The following AUTS2 variants were observed in gnomAD, a reference collection of about 807,000 sequenced individuals.
AUTS2 encodes autism susceptibility gene 2 protein.
In AUTS2, 17 loss-of-function variants were observed where a neutral mutation model predicts 112.4. The ratio of observed to expected loss-of-function variants is 0.15; its 90% CI spans 0.10 to 0.23. AUTS2 has a LOEUF of 0.23. Among genes scored for constraint, AUTS2 ranks in the 10% least tolerant of loss-of-function variants. The pLI is 1.00. For missense variants in AUTS2, 1,510 were observed against 1,701.6 expected, an observed-to-expected ratio of 0.89 and a Z score of 1.98; for synonymous variants, 751 against 702.7, an observed-to-expected ratio of 1.07 and a Z score of -1.09.
intron 1 of AUTS2, among the ~76,000 whole-genome samples, chr7:69,675,127 T>C (rs2129161054): frequency 6.6e-6 from 1 of 152,304 alleles, no homozygotes; most frequent in Admixed American, 6.5e-5. Flanking sequence ...GCTTCTCTGC[T>C]CTGGGAATCT....
chr7:70,483,219 T>A (rs552188412), intron 5 of AUTS2, among the ~76,000 whole-genome samples: 10 of 132,970 alleles, frequency 7.5e-5, no homozygotes, highest in Non-Finnish European at 1.6e-4. Context: ...CCAGTTTATC[T>A]CCAAGGGTCA....
At chr7:70,127,442 T>G (rs1003519657) in intron 3 of AUTS2, among the ~76,000 whole-genome samples, 2 of 152,216 alleles carry the variant, frequency 1.3e-5, no homozygotes, top group African/African-American at 4.8e-5. Flanking sequence ...TGGCCTATTT[T>G]ATTTCTGTTC....
At chr7:69,876,415 G>A (rs1487096308) in intron 1 of AUTS2, among the ~76,000 whole-genome samples, 15 of 80,356 alleles carry the variant, frequency 1.9e-4, no homozygotes, top group Non-Finnish European at 2.8e-4. Flanking sequence ...TATACATAAT[G>A]TATTTTATAT....
chr7:70,105,056 A>G (rs1804696566), intron 2 of AUTS2, among the ~76,000 whole-genome samples: 1 of 152,208 alleles, frequency 6.6e-6, no homozygotes, highest in South Asian at 2.1e-4. Flanking sequence ...ACTATATTCC[A>G]CTAGCTCTGC....
chr7:70,028,074 C>A (rs1800605719), intron 2 of AUTS2, among the ~76,000 whole-genome samples: 1 of 151,518 alleles, frequency 6.6e-6, no homozygotes, highest in African/African-American at 2.4e-5. Flanking sequence ...GCCCCCCCCA[C>A]CCTCATCTTG....
chr7:70,154,516 C>T (rs1263936608), intron 4 of AUTS2, among the ~76,000 whole-genome samples: 1 of 152,076 alleles, frequency 6.6e-6, no homozygotes, highest in Non-Finnish European at 1.5e-5. Flanking sequence ...TTTAAGGAGA[C>T]AGGGAAACAA....
intron 4 of AUTS2, among the ~76,000 whole-genome samples, chr7:70,386,785 T>G (rs975012502): frequency 7.9e-5 from 12 of 152,138 alleles, no homozygotes; most frequent in African/African-American, 2.7e-4. Context: ...CTTCTCTGCC[T>G]CTCTCTCATC....
At chr7:70,457,221 G>A (rs1291726157) in intron 5 of AUTS2, among the ~76,000 whole-genome samples, 1 of 152,198 alleles carries the variant, frequency 6.6e-6, no homozygotes, top group East Asian at 1.9e-4. Flanking sequence ...CCCACCAGCT[G>A]TGTGAGGGGG....
intron 4 of AUTS2, among the ~76,000 whole-genome samples, chr7:70,326,215 A>G (rs1413677163): frequency 2.6e-5 from 4 of 152,074 alleles, no homozygotes; most frequent in Non-Finnish European, 4.4e-5. Context: ...CCCAAGGGGA[A>G]CTGATGTTTC....
At chr7:69,615,351 G>A (rs997227543) in intron 1 of AUTS2, among the ~76,000 whole-genome samples, 3 of 152,088 alleles carry the variant, frequency 2.0e-5, no homozygotes, top group Admixed American at 6.5e-5. Context: ...CGCCCAGGCT[G>A]GAGTGCAGTG....
At chr7:69,837,696 C>T (rs1791787733) in intron 1 of AUTS2, among the ~76,000 whole-genome samples, 1 of 152,162 alleles carries the variant, frequency 6.6e-6, no homozygotes, top group Admixed American at 6.5e-5. Context: ...CAAGAGGCGT[C>T]ATGTTTGTTA....
At chr7:70,082,091 G>A (rs1230220408) in intron 2 of AUTS2, among the ~76,000 whole-genome samples, 1 of 151,906 alleles carries the variant, frequency 6.6e-6, no homozygotes, top group African/African-American at 2.4e-5. Context: ...TTTGAAAGGG[G>A]ACATATTATG....
At chr7:70,032,245 CT>C (rs1387023594) in intron 2 of AUTS2, among the ~76,000 whole-genome samples, 7 of 152,196 alleles carry the variant, frequency 4.6e-5, no homozygotes, top group Middle Eastern at 3.4e-3. Flanking sequence ...ATATAAAATT[CT>C]AACTCCGCTG....
intron 4 of AUTS2, among the ~76,000 whole-genome samples, chr7:70,313,986 T>C (rs1789879621): frequency 6.6e-6 from 1 of 152,196 alleles, no homozygotes; most frequent in Non-Finnish European, 1.5e-5. Flanking sequence ...GGAGCGATGG[T>C]TCAGAAAGAT....
chr7:69,934,759 C>T (rs924961125), intron 2 of AUTS2, among the ~76,000 whole-genome samples: 7 of 152,178 alleles, frequency 4.6e-5, no homozygotes, highest in African/African-American at 1.7e-4. Flanking sequence ...TTCTGAGCTC[C>T]TCTGTTCAAT....
At chr7:70,777,627 A>G (rs1253034143) in intron 14 of AUTS2, among the ~76,000 whole-genome samples, 5 of 152,210 alleles carry the variant, frequency 3.3e-5, no homozygotes, top group Non-Finnish European at 5.9e-5. Context: ...TGCAAGTCAC[A>G]GCAGCCAGCT....
intron 6 of AUTS2, among the ~76,000 whole-genome samples, chr7:70,713,682 C>G (rs941845260): frequency 1.3e-5 from 2 of 151,846 alleles, no homozygotes; most frequent in African/African-American, 4.8e-5. Flanking sequence ...ATCACGAGGT[C>G]AGGAGATTGA....
At chr7:70,020,123 C>T (rs530863135) in intron 2 of AUTS2, among the ~76,000 whole-genome samples, 11 of 152,310 alleles carry the variant, frequency 7.2e-5, no homozygotes, top group South Asian at 2.1e-4. Context: ...CATAGGGACA[C>T]GGTGCACACC....
intron 4 of AUTS2, among the ~76,000 whole-genome samples, chr7:70,361,257 C>T (rs1032430777): frequency 1.3e-5 from 2 of 151,516 alleles, no homozygotes; most frequent in East Asian, 2.0e-4. Context: ...GGCGTGAACA[C>T]GGGAGGCGGA....
Sources: gnomAD v4.1 joint callset for allele counts (sites outside exome capture counted in the v4.1 genomes callset) on GRCh38, gnomAD v4.1.1 for gene constraint, MANE v1.5 for transcripts, NCBI Gene and HGNC (gene_info 2026-07-23, HGNC 2026-07-21) for gene names.